Variants in ZSWIM6 observed in about 807,000 individuals in gnomAD.
ZSWIM6 encodes zinc finger SWIM domain-containing protein 6.
A neutral mutation model predicts 113.2 loss-of-function variants in ZSWIM6; 9 were observed. That is an observed-to-expected ratio of 0.08 (90% CI 0.05 to 0.14). The LOEUF is 0.14. ZSWIM6 is among the 10% of genes least tolerant of loss of function. ZSWIM6 has a pLI of 1.00. For synonymous variants in ZSWIM6, 611 were observed against 606.5 expected, an observed-to-expected ratio of 1.01 and a Z score of -0.11; for missense variants, 1,162 against 1,552.2, an observed-to-expected ratio of 0.75 and a Z score of 4.22.
At chr5:61,523,885 A>G (rs1034551248) in intron 5 of ZSWIM6, among the ~76,000 whole-genome samples, 2 of 152,218 alleles carry the variant, frequency 1.3e-5, no homozygotes, top group Non-Finnish European at 2.9e-5. Context: ...CTACACTTAT[A>G]TAGTCACATA....
intron 1 of ZSWIM6, among the ~76,000 whole-genome samples, chr5:61,371,314 A>T (rs1391853814): frequency 6.6e-6 from 1 of 152,226 alleles, no homozygotes; most frequent in Non-Finnish European, 1.5e-5. Context: ...TATTATGAAG[A>T]TGTAACAGGC....
intron 4 of ZSWIM6, among the ~76,000 whole-genome samples, chr5:61,506,022 A>C (rs1214120005): frequency 1.1e-4 from 16 of 151,978 alleles, no homozygotes; most frequent in Admixed American, 1.0e-3. Context: ...CTGGGATTAC[A>C]GGCGTGAGCC....
intron 1 of ZSWIM6, among the ~76,000 whole-genome samples, chr5:61,471,822 G>A (rs1165439577): frequency 3.3e-5 from 5 of 152,154 alleles, no homozygotes; most frequent in Admixed American, 1.3e-4. Context: ...TCCCTGGTGC[G>A]AAAAAGGTTG....
chr5:61,510,075 G>A (rs1435054131), intron 4 of ZSWIM6, among the ~76,000 whole-genome samples: 2 of 116,478 alleles, frequency 1.7e-5, no homozygotes, highest in African/African-American at 6.7e-5. Flanking sequence ...AGTTAAATGA[G>A]GGAACTGCCA....
chr5:61,456,994 C>T (rs541592284), intron 1 of ZSWIM6, among the ~76,000 whole-genome samples: 4 of 150,396 alleles, frequency 2.7e-5, no homozygotes, highest in South Asian at 2.1e-4. Context: ...CATGCTGGTG[C>T]GCTGCACCCA....
intron 1 of ZSWIM6, among the ~76,000 whole-genome samples, chr5:61,361,173 A>C (rs996806480): frequency 1.3e-5 from 2 of 152,150 alleles, no homozygotes; most frequent in African/African-American, 4.8e-5. Flanking sequence ...ACCATGTGCC[A>C]GCACTGTGCT....
intron 1 of ZSWIM6, among the ~76,000 whole-genome samples, chr5:61,389,588 G>A (rs1745661678): frequency 6.7e-6 from 1 of 148,826 alleles, no homozygotes; most frequent in Admixed American, 6.7e-5. Flanking sequence ...GAATCCTGCA[G>A]CTTGACAGAA....
chr5:61,438,327 C>T (rs1746753880), intron 1 of ZSWIM6, among the ~76,000 whole-genome samples: 1 of 152,194 alleles, frequency 6.6e-6, no homozygotes, highest in Non-Finnish European at 1.5e-5. Flanking sequence ...GAAAATTTAA[C>T]ACCTCTTCTG....
rs1157960587 is a variant in ZSWIM6 at position 61,364,090 on chromosome 5, G to C, written c.676+31142G>C. Among the ~76,000 whole-genome samples, 5 of 149,022 alleles carry C rather than the reference G, an allele frequency of 3.4e-5. No homozygotes were observed. In the Admixed American group the frequency reaches 3.4e-4, roughly 10 times the overall value. On this transcript the variant is annotated intron_variant, in intron 1 of 13. Transcript: ENST00000252744. ...TTCTGGGTCTCACTGTTTCACCCAGGTTGAAATGCAGTGGCATGATCACAG... is the reference window on the plus strand; with the variant it reads ...TTCTGGGTCTCACTGTTTCACCCAGCTTGAAATGCAGTGGCATGATCACAG...
chr5:61,358,543 A>G (rs1744968777), intron 1 of ZSWIM6, among the ~76,000 whole-genome samples: 1 of 152,260 alleles, frequency 6.6e-6, no homozygotes. Context: ...TACGAATACA[A>G]ATGAGTCTGG....
At chr5:61,353,749 AT>A (rs1293379639) in intron 1 of ZSWIM6, among the ~76,000 whole-genome samples, 1 of 151,844 alleles carries the variant, frequency 6.6e-6, no homozygotes, top group African/African-American at 2.4e-5. Flanking sequence ...CAGTCACAAC[AT>A]TTAGTGACAT....
At chr5:61,539,042 T>G in intron 11 of ZSWIM6, 71 bp downstream of exon 11, 1 of 1,420,468 alleles carries the variant, frequency 7.0e-7, no homozygotes, top group South Asian at 1.6e-5. Context: ...AGTCTTGTTT[T>G]CTATCAAATT....
Position 61,332,938 on chromosome 5 carries a change from C to T in ZSWIM6, c.666C>T (p.Val222=), listed in dbSNP as rs1167422187. 15 of 1,351,152 alleles carry T rather than the reference C, an allele frequency of 1.1e-5. No individual in the cohort carries two copies. The highest frequency in any genetic ancestry group is 7.6e-5 in the African/African-American group (5 of 65,772). The allele number at this position is 1,351,152 out of a possible 1,614,324, so 83.7% of individuals were successfully genotyped here. Residue 222 remains valine (V), a synonymous_variant, in exon 1 of 14, where the codon GTC becomes GTT. Transcript: ENST00000252744. ...ALLESGCVDN[V]LQVGFHLSGT... ...TGGAAAGCGGCTGCGTAGACAACGT[C>T]CTGCAAGTCGGTGAGTCACGGGGCA...
chr5:61,533,015 G>A (rs1293042271), intron 9 of ZSWIM6, among the ~76,000 whole-genome samples: 1 of 152,204 alleles, frequency 6.6e-6, no homozygotes, highest in Non-Finnish European at 1.5e-5. Flanking sequence ...TTGATAGTGT[G>A]TGGTATCTGT....
chr5:61,471,194 C>T (rs1049476919), intron 1 of ZSWIM6, among the ~76,000 whole-genome samples: 1 of 152,214 alleles, frequency 6.6e-6, no homozygotes, highest in African/African-American at 2.4e-5. Context: ...ATTCAAGTTT[C>T]TGTCAGGTAC....
intron 1 of ZSWIM6, among the ~76,000 whole-genome samples, chr5:61,448,788 G>C (rs1307114140): frequency 6.6e-6 from 1 of 152,170 alleles, no homozygotes; most frequent in Non-Finnish European, 1.5e-5. Flanking sequence ...TAGGAATGAA[G>C]AGAAAGGATA....
intron 4 of ZSWIM6, among the ~76,000 whole-genome samples, chr5:61,500,830 T>A (rs1273874486): frequency 6.6e-6 from 1 of 152,144 alleles, no homozygotes; most frequent in African/African-American, 2.4e-5. Context: ...TCCCCTTTGG[T>A]AAGGAGCCGG....
intron 1 of ZSWIM6, among the ~76,000 whole-genome samples, chr5:61,425,729 C>T (rs1256882468): frequency 6.6e-6 from 1 of 152,084 alleles, no homozygotes; most frequent in Non-Finnish European, 1.5e-5. Context: ...AAGAGAAGGC[C>T]ATTGGTAAAG....
intron 1 of ZSWIM6, chr5:61,375,045 A>G (rs1745342395): frequency 3.6e-6 from 5 of 1,407,710 alleles, no homozygotes; most frequent in Non-Finnish European, 5.0e-6. Flanking sequence ...AGTCTATAAG[A>G]TATTAAAGGG....
Sources: gnomAD v4.1 joint callset for allele counts (sites outside exome capture counted in the v4.1 genomes callset) on GRCh38, gnomAD v4.1.1 for gene constraint, MANE v1.5 for transcripts, NCBI Gene and HGNC (gene_info 2026-07-23, HGNC 2026-07-21) for gene names.